The following PCDH11X variants were observed in gnomAD, a reference collection of about 807,000 sequenced individuals.
PCDH11X encodes the protein protocadherin-11 X-linked.
Under a neutral mutation model 53.3 loss-of-function variants are expected in PCDH11X, and 18 were observed. The observed-to-expected ratio is 0.34, with a 90% CI of 0.23 to 0.50. The LOEUF is 0.50. Ranked by LOEUF, PCDH11X falls within the 20% of genes least tolerant of loss-of-function variation. The pLI is 0.98. For missense variants in PCDH11X, 570 were observed against 1,032.4 expected, an observed-to-expected ratio of 0.55 and a Z score of 6.14; for synonymous variants, 279 against 393.3, an observed-to-expected ratio of 0.71 and a Z score of 3.44.
chrX:92,388,707 G>A, intron 9 of PCDH11X, among the ~76,000 whole-genome samples: 1 of 110,764 alleles, frequency 9.0e-6, no homozygotes, highest in Non-Finnish European at 1.9e-5. Flanking sequence ...GTACATAAAA[G>A]TATGTAGATA....
chrX:92,060,967 T>C (rs1460082220), intron 6 of PCDH11X, among the ~76,000 whole-genome samples: 1 of 112,344 alleles, frequency 8.9e-6, no homozygotes, highest in East Asian at 2.8e-4. Context: ...GTATTGCCTT[T>C]TCTCCACAAC....
chrX:92,426,257 C>T (rs951008037), intron 9 of PCDH11X, among the ~76,000 whole-genome samples: 2 of 70,766 alleles, frequency 2.8e-5, no homozygotes, highest in African/African-American at 1.1e-4. Flanking sequence ...AAATGTTCTG[C>T]TCTTAATAAA....
intron 6 of PCDH11X, among the ~76,000 whole-genome samples, chrX:92,009,727 G>A (rs1208189040): frequency 4.8e-5 from 4 of 82,593 alleles, no homozygotes; most frequent in Admixed American, 3.5e-4. Flanking sequence ...TTTTTGAGAC[G>A]GAGTCATCTC....
intron 6 of PCDH11X, among the ~76,000 whole-genome samples, chrX:91,939,009 A>C (rs1265978689): frequency 7.2e-5 from 8 of 111,549 alleles, no homozygotes; most frequent in Non-Finnish European, 1.5e-4. Context: ...ATAAGCAGGG[A>C]ATCATAAGCT....
At chrX:92,252,482 C>T (rs751060275) in intron 7 of PCDH11X, among the ~76,000 whole-genome samples, 47 of 110,917 alleles carry the variant, frequency 4.2e-4, no homozygotes, top group African/African-American at 1.3e-3. Context: ...GGATTTTCTA[C>T]GTGTTCACAG....
chrX:92,409,870 A>G (rs2071606095), intron 9 of PCDH11X, among the ~76,000 whole-genome samples: 1 of 112,003 alleles, frequency 8.9e-6, no homozygotes. Flanking sequence ...TAAAAAATCA[A>G]TGCCAAGAAA....
In PCDH11X at chrX:92,104,244, T is replaced by A. The variant is rs769565639; in HGVS notation, c.3034-97131T>A. On this transcript the variant is annotated intron_variant, in intron 6 of 10. Transcript: ENST00000682573. ...ATAAAAAGATTATAGGGTGGAGGAGTGGAGGCTGAGGAAGAATTGGGACCT... is the reference window on the plus strand; with the variant it reads ...ATAAAAAGATTATAGGGTGGAGGAGAGGAGGCTGAGGAAGAATTGGGACCT... Among the ~76,000 whole-genome samples the A allele has an allele frequency of 2.3e-4, 25 of 107,993 alleles. No homozygotes were observed. The South Asian group carries it at 0.01, about 45-fold the overall frequency. The allele number at this position is 107,993 out of a possible 115,157, so 93.8% of individuals were successfully genotyped here. A position where few individuals can be genotyped will look rare whatever the true frequency, so the allele number is the denominator to read the frequency against.
At chrX:92,251,000 T>C (rs2148397894) in intron 7 of PCDH11X, among the ~76,000 whole-genome samples, 1 of 111,204 alleles carries the variant, frequency 9.0e-6, no homozygotes, top group Admixed American at 9.7e-5. Flanking sequence ...TTGTACGGTA[T>C]GTAAATTGTA....
At chrX:92,013,241 GACAA>G (rs1191446212) in intron 6 of PCDH11X, among the ~76,000 whole-genome samples, 1 of 111,427 alleles carries the variant, frequency 9.0e-6, no homozygotes, top group African/African-American at 3.3e-5. Flanking sequence ...ACCAATAACA[GACAA>G]ACAGAGAGCC....
chrX:92,611,991 G>T (rs868861667), intron 10 of PCDH11X, among the ~76,000 whole-genome samples: 3 of 104,879 alleles, frequency 2.9e-5, no homozygotes, highest in Non-Finnish European at 5.9e-5. Flanking sequence ...CAGTTTCCTA[G>T]TATATTTTTT....
intron 7 of PCDH11X, among the ~76,000 whole-genome samples, chrX:92,202,759 C>G (rs1014521607): frequency 8.9e-6 from 1 of 111,868 alleles, no homozygotes. Context: ...CGGTGGCTCA[C>G]GCCTGTAATC....
intron 7 of PCDH11X, among the ~76,000 whole-genome samples, chrX:92,234,010 C>G (rs190843935): frequency 1.3e-4 from 15 of 111,916 alleles, no homozygotes; most frequent in African/African-American, 4.9e-4. Flanking sequence ...TGCACTGCTT[C>G]TAAACCTTGA....
chrX:92,515,123 G>C (rs1226312320), intron 10 of PCDH11X, among the ~76,000 whole-genome samples: 2 of 105,384 alleles, frequency 1.9e-5, no homozygotes, highest in African/African-American at 6.8e-5. Context: ...CATATGTATT[G>C]ATTTATCTTA....
At chrX:92,014,630 A>C (rs934118334) in intron 6 of PCDH11X, among the ~76,000 whole-genome samples, 3 of 111,421 alleles carry the variant, frequency 2.7e-5, no homozygotes, top group African/African-American at 6.5e-5. Flanking sequence ...GACTTGGAAC[A>C]AAGCCAAATG....
rs144102540 is a variant in PCDH11X at position 92,599,382 on chromosome X, G to C, written c.3368-18882G>C. 8.9e-3 allele frequency among the ~76,000 whole-genome samples: 991 copies of C among 110,975 alleles called. 8 individuals are homozygous for C. Among genetic ancestry groups the C allele is most frequent in the African/African-American group, 0.031 (940 of 30,475 alleles). ...CATAATCCCCATGTGTTGTGGGAGG[G>C]ACCCAGTGGAGATAATTACATCATG... On this transcript the variant is annotated intron_variant, in intron 10 of 10. Coordinates refer to ENST00000682573, the MANE Select transcript of PCDH11X (RefSeq NM_032968.5).
chrX:92,409,363 G>A lies in PCDH11X; in HGVS notation c.3343+21430G>A, dbSNP rs1481168702. Reference sequence around the variant, plus strand: ...AATATTTAAGCTAGAACGTGGTTTGGCATTCTGTTTAAACACCCATCAAAA... The same window carrying A: ...AATATTTAAGCTAGAACGTGGTTTGACATTCTGTTTAAACACCCATCAAAA... On this transcript the variant is annotated intron_variant, in intron 9 of 10. Coordinates refer to ENST00000682573, the MANE Select transcript of PCDH11X (RefSeq NM_032968.5). Among the ~76,000 whole-genome samples the A allele has an allele frequency of 2.7e-5, 3 of 112,043 alleles. No homozygotes were observed. In the Admixed American group the frequency reaches 2.8e-4, roughly 11 times the overall value.
chrX:92,266,743 C>A (rs748993615), intron 8 of PCDH11X, among the ~76,000 whole-genome samples: 1 of 98,318 alleles, frequency 1.0e-5, no homozygotes, highest in African/African-American at 3.7e-5. Context: ...TACTTATTTT[C>A]TTTTTTTTTT....
rs1471774471 is a variant in PCDH11X, at chrX:92,515,053, AAAAAAAAAAAG to A, written c.3367+46736_3367+46746del. 4.1e-3 allele frequency among the ~76,000 whole-genome samples: 389 copies of A among 95,668 alleles called. 6 individuals are homozygous for A. The highest frequency in any genetic ancestry group is 0.013 in the African/African-American group (362 of 27,621). The allele number at this position is 95,668 out of a possible 115,157, so 83.1% of individuals were successfully genotyped here. ...CAGAGCGAGATTCCACCTCAAAAAA[AAAAAAAAAAAG>A]AAAAGAAAAGAATCACCCTTATCCT... On this transcript the variant is annotated intron_variant, in intron 10 of 10. Coordinates refer to ENST00000682573, the MANE Select transcript of PCDH11X (RefSeq NM_032968.5).
intron 6 of PCDH11X, among the ~76,000 whole-genome samples, chrX:91,963,373 G>T (rs892491495): frequency 2.8e-5 from 3 of 108,079 alleles, no homozygotes; most frequent in Non-Finnish European, 5.7e-5. Context: ...GAGTTTCACA[G>T]ATCTCTAAGG....
Sources: gnomAD v4.1 joint callset for allele counts (sites outside exome capture counted in the v4.1 genomes callset) on GRCh38, gnomAD v4.1.1 for gene constraint, MANE v1.5 for transcripts, NCBI Gene and HGNC (gene_info 2026-07-23, HGNC 2026-07-21) for gene names.